Variants in EIF5A2 observed in about 807,000 individuals in gnomAD.
EIF5A2 encodes eukaryotic translation initiation factor 5A2.
Under a neutral mutation model 16.4 loss-of-function variants are expected in EIF5A2, and 15 were observed. The ratio of observed to expected loss-of-function variants is 0.92; its 90% CI spans 0.61 to 1.41. The LOEUF (loss-of-function observed/expected upper bound fraction) is 1.41. Among genes scored for constraint, EIF5A2 ranks in the 40% most tolerant of loss-of-function variants. The probability of loss-of-function intolerance (pLI) is 0.00; values close to 1 mark genes in which losing one functional copy is unlikely to be tolerated. For synonymous variants in EIF5A2, 48 were observed against 61.1 expected, an observed-to-expected ratio of 0.79 and a Z score of 1.00; for missense variants, 144 against 189.5, an observed-to-expected ratio of 0.76 and a Z score of 1.41.
intron 3 of EIF5A2, among the ~76,000 whole-genome samples, chr3:170,897,510 G>A (rs190363643): frequency 6.6e-6 from 1 of 152,210 alleles, no homozygotes; most frequent in Admixed American, 6.5e-5. Context: ...TGGCTAAAAG[G>A]GGTCAAGGTA....
At chr3:170,905,817 G>T (rs1465498198) in intron 3 of EIF5A2, among the ~76,000 whole-genome samples, 1 of 152,068 alleles carries the variant, frequency 6.6e-6, no homozygotes, top group Admixed American at 6.5e-5. Context: ...AACAGGCTCA[G>T]AAAGGTGTAT....
chr3:170,892,572 A>T lies in EIF5A2; in HGVS notation c.*788T>A. On this transcript the variant is annotated 3_prime_UTR_variant, in exon 5 of 5. Coordinates refer to ENST00000295822, the MANE Select transcript of EIF5A2 (RefSeq NM_020390.6). ...TTTAAACGTTGGGGGCAAAGTTAAA[A>T]GCAAAAACAACTGAGAAACAACTTT... The T allele has an allele frequency of 5.1e-6, 2 of 393,872 alleles. No individual in the cohort carries two copies. The highest frequency in any genetic ancestry group is 8.9e-6 in the Non-Finnish European group (2 of 223,674). The allele number at this position is 393,872 out of a possible 1,614,324, so 24.4% of individuals were successfully genotyped here.
At chr3:170,902,496 C>G (rs1211786169) in intron 3 of EIF5A2, among the ~76,000 whole-genome samples, 1 of 150,774 alleles carries the variant, frequency 6.6e-6, no homozygotes, top group Non-Finnish European at 1.5e-5. Flanking sequence ...TTCCACCTCC[C>G]AGGTTCAATC....
At position 170,893,411 on chromosome 3, in the gene EIF5A2, G is replaced by T. The variant is rs1560008857; in HGVS notation, c.411C>A (p.Val137=). Residue 137 remains valine (V), a synonymous_variant, in exon 5 of 5, where the codon GTC becomes GTA. Transcript: ENST00000295822. ...CATATTCTTCACTCATTGCACACAT[G>T]ACAGACACCTAGAAGGAAAAAAGCA... ...YNAGEDVQVS[V]MCAMSEEYAV... is the part of the protein sequence containing the mutation. The T allele has an allele frequency of 1.2e-6, 2 of 1,613,762 alleles. No individual in the cohort carries two copies. Among genetic ancestry groups the T allele is most frequent in the East Asian group, 2.2e-5 (1 of 44,810 alleles).
chr3:170,907,675 T>C lies in EIF5A2; in HGVS notation c.132A>G (p.Ser44=). 1 of 1,606,690 alleles carries C rather than the reference T, an allele frequency of 6.2e-7. No homozygotes were observed. Among genetic ancestry groups the C allele is most frequent in the Non-Finnish European group, 8.5e-7 (1 of 1,174,134 alleles). Residue 44 remains serine (S), a synonymous_variant, in exon 2 of 5, where the codon TCA becomes TCG. Coordinates refer to ENST00000295822, the MANE Select transcript of EIF5A2 (RefSeq NM_020390.6). The part of the protein sequence containing the change: ...KGRPCKIVEM[S]TSKTGKHGHA... ...GACCATGCTTTCCAGTTTTGGAAGTTGACATCTCCACTATTTTGCATGGTC... is the reference window on the plus strand; with the variant it reads ...GACCATGCTTTCCAGTTTTGGAAGTCGACATCTCCACTATTTTGCATGGTC...
chr3:170,898,859 C>A (rs943971507), intron 3 of EIF5A2, among the ~76,000 whole-genome samples: 13 of 151,356 alleles, frequency 8.6e-5, no homozygotes, highest in Non-Finnish European at 1.5e-4. Context: ...CATATATATT[C>A]TTATTATTTT....
intron 3 of EIF5A2, among the ~76,000 whole-genome samples, chr3:170,895,868 G>A (rs540053943): frequency 3.9e-4 from 59 of 152,256 alleles, no homozygotes; most frequent in African/African-American, 7.9e-4. Flanking sequence ...AAAGATGGGC[G>A]TCTCATTATA....
chr3:170,907,300 A>G (rs1712962520), intron 2 of EIF5A2, among the ~76,000 whole-genome samples: 1 of 152,200 alleles, frequency 6.6e-6, no homozygotes, highest in Admixed American at 6.5e-5. Context: ...TCAAGACCCA[A>G]TATAGACCAG....
At chr3:170,904,861 G>A (rs530311399) in intron 3 of EIF5A2, among the ~76,000 whole-genome samples, 67 of 152,298 alleles carry the variant, frequency 4.4e-4, no homozygotes, top group African/African-American at 1.6e-3. Context: ...CCCATGAGGC[G>A]TTATTATTTA....
chr3:170,906,417 C>CT (rs1712937463), intron 3 of EIF5A2, among the ~76,000 whole-genome samples: 1 of 152,160 alleles, frequency 6.6e-6, no homozygotes, highest in African/African-American at 2.4e-5. Flanking sequence ...AGCATGGTCA[C>CT]TAAGTATAAT....
rs1486222593 is a variant in EIF5A2, at chr3:170,892,092, T to C, written c.*1268A>G. The stretch of plus-strand genomic sequence containing the variant: ...ATCAATTTAAGGAATTCTCAGTTTT[T>C]GTTTAATAAATACATTAATGTCAAA... On this transcript the variant is annotated 3_prime_UTR_variant, in exon 5 of 5. Transcript: ENST00000295822. 1 of 152,670 alleles carries C rather than the reference T, an allele frequency of 6.6e-6. No homozygotes were observed. The highest frequency in any genetic ancestry group is 1.5e-5 in the Non-Finnish European group (1 of 68,040). The allele number at this position is 152,670 out of a possible 1,614,324, so 9.5% of individuals were successfully genotyped here. A position where few individuals can be genotyped will look rare whatever the true frequency, so the allele number is the denominator to read the frequency against.
rs1712545971 is a variant in EIF5A2, at chr3:170,891,982, A to G, written c.*1378T>C. 3 of 152,638 alleles carry G rather than the reference A, an allele frequency of 2.0e-5. No homozygotes were observed. In the South Asian group the frequency reaches 6.2e-4, roughly 32 times the overall value. The allele number at this position is 152,638 out of a possible 1,614,324, so 9.5% of individuals were successfully genotyped here. On this transcript the variant is annotated 3_prime_UTR_variant, in exon 5 of 5. Transcript: ENST00000295822. The stretch of plus-strand genomic sequence containing the variant: ...TTAAAATAACTTAACTTAAATAATA[A>G]TATTCATATAAAGTAATGCTGCTTC...
At chr3:170,899,229 T>G (rs1020757947) in intron 3 of EIF5A2, among the ~76,000 whole-genome samples, 7 of 151,898 alleles carry the variant, frequency 4.6e-5, no homozygotes, top group Non-Finnish European at 7.4e-5. Flanking sequence ...TTTTGTTTTT[T>G]GGGGGGTTTG....
rs200089901 is a variant in EIF5A2 at position 170,894,042 on chromosome 3, A to G, written c.402+250T>C. ...GGAGACTCCGTCTCAAAAAAAAAAAAAAAGTCAGGTGCAGAGCTTCAAAAC... is the reference window on the plus strand; with the variant it reads ...GGAGACTCCGTCTCAAAAAAAAAAAGAAAGTCAGGTGCAGAGCTTCAAAAC... On this transcript the variant is annotated intron_variant, in intron 4 of 4. Transcript: ENST00000295822. Among the ~76,000 whole-genome samples, 1,090 of 152,204 alleles carry G rather than the reference A, an allele frequency of 7.2e-3. 13 individuals carry two copies. The highest frequency in any genetic ancestry group is 0.03 in the East Asian group (157 of 5,180).
chr3:170,899,255 G>C (rs1209746119), intron 3 of EIF5A2, among the ~76,000 whole-genome samples: 5 of 151,954 alleles, frequency 3.3e-5, no homozygotes, highest in Non-Finnish European at 7.4e-5. Context: ...TCTGAGACCA[G>C]GTCTTGCTCT....
chr3:170,908,139 C>T (rs772984225), intron 1 of EIF5A2, among the ~76,000 whole-genome samples: 91 of 152,200 alleles, frequency 6.0e-4, no homozygotes, highest in Non-Finnish European at 9.8e-4. Context: ...CCGCAGAAGC[C>T]GGCGACCTTC....
rs905912532 is a variant in EIF5A2 at position 170,906,757 on chromosome 3, T to C, written c.270+232A>G. 3.3e-5 allele frequency among the ~76,000 whole-genome samples: 5 copies of C among 152,342 alleles called. No homozygotes were observed. The South Asian group carries it at 1.0e-3, about 32-fold the overall frequency. ...TGGCCTGAGAACACTAATAAGTATT[T>C]GACTTTTTAAAAAATGCAAGAATGT... On this transcript the variant is annotated intron_variant, in intron 3 of 4. Coordinates refer to ENST00000295822, the MANE Select transcript of EIF5A2 (RefSeq NM_020390.6).
chr3:170,906,009 C>T (rs1225706375), intron 3 of EIF5A2, among the ~76,000 whole-genome samples: 1 of 152,046 alleles, frequency 6.6e-6, no homozygotes, highest in Non-Finnish European at 1.5e-5. Flanking sequence ...ATTAAAACCA[C>T]AAAAAAGTAT....
At chr3:170,907,263 T>C (rs1288285886) in intron 2 of EIF5A2, among the ~76,000 whole-genome samples, 170 bp from the exon 3 acceptor site, 2 of 152,132 alleles carry the variant, frequency 1.3e-5, no homozygotes, top group African/African-American at 4.8e-5. Context: ...TAAGAGGCAG[T>C]AAACAACTAA....
Sources: gnomAD v4.1 joint callset for allele counts (sites outside exome capture counted in the v4.1 genomes callset) on GRCh38, gnomAD v4.1.1 for gene constraint, MANE v1.5 for transcripts, NCBI Gene and HGNC (gene_info 2026-07-23, HGNC 2026-07-21) for gene names.